Variants in OIT3 observed in about 807,000 individuals in gnomAD.
OIT3 encodes oncoprotein induced transcript 3, also known as oncoprotein-induced transcript 3 protein.
Under a neutral mutation model 52.2 loss-of-function variants are expected in OIT3, and 41 were observed. The ratio of observed to expected loss-of-function variants is 0.79; its 90% CI spans 0.61 to 1.02. OIT3 has a LOEUF of 1.02. Among genes scored for constraint, OIT3 ranks in the 50% least tolerant of loss-of-function variants. OIT3 has a pLI of 0.00. For missense variants in OIT3, 634 were observed against 715.5 expected (o/e 0.89, Z 1.30); for synonymous variants, 244 against 276.9 (o/e 0.88, Z 1.18).
At chr10:72,927,774 A>C (rs992076804) in intron 7 of OIT3, among the ~76,000 whole-genome samples, 4 of 152,124 alleles carry the variant, frequency 2.6e-5, no homozygotes, top group Non-Finnish European at 4.4e-5. Flanking sequence ...GACTTTGCGC[A>C]TGCTGTTTCC....
intron 1 of OIT3, among the ~76,000 whole-genome samples, chr10:72,896,345 A>G (rs1200948556): frequency 6.6e-6 from 1 of 152,206 alleles, no homozygotes; most frequent in Non-Finnish European, 1.5e-5. Flanking sequence ...TTGTAAGAAA[A>G]AGTCACAGCT....
intron 1 of OIT3, among the ~76,000 whole-genome samples, chr10:72,897,291 T>G (rs1343819789): frequency 1.3e-5 from 2 of 152,204 alleles, no homozygotes; most frequent in African/African-American, 2.4e-5. Context: ...CCCAAAGTGC[T>G]GGGATTACAG....
At position 72,930,555 on chromosome 10, in the gene OIT3, C is replaced by T. The variant is rs781041496; in HGVS notation, c.1385C>T (p.Ser462Leu). ...ACTTTCAGCTGTGTTTCAGATGACT[C>T]GGTAAAGCAGTACACATCCCGGGAT... ...LIRDGCVSDD[S>L]VKQYTSRDHL... The change falls in exon 8 of 9, where the codon TCG becomes TTG. Residue 462 changes from serine (S) to leucine (L), a missense_variant. Physicochemically the swap from Ser to Leu is moderately radical, Grantham distance 145. Transcript: ENST00000334011. The T allele has an allele frequency of 3.2e-5, 51 of 1,612,914 alleles. No homozygotes were observed. In the Middle Eastern group the frequency reaches 1.2e-3, roughly 37 times the overall value.
At chr10:72,911,509 T>C (rs1846027689) in intron 4 of OIT3, among the ~76,000 whole-genome samples, 1 of 152,108 alleles carries the variant, frequency 6.6e-6, no homozygotes, top group African/African-American at 2.4e-5. Context: ...ACCAGCTTAA[T>C]TGGGTAGAGT....
chr10:72,897,608 A>G (rs1273536807), intron 1 of OIT3, among the ~76,000 whole-genome samples: 8 of 152,184 alleles, frequency 5.3e-5, no homozygotes, highest in Admixed American at 4.6e-4. Flanking sequence ...TTTTCTTTTC[A>G]GTGGAATGAG....
intron 6 of OIT3, among the ~76,000 whole-genome samples, chr10:72,916,303 T>G (rs1846072301): frequency 6.6e-6 from 1 of 152,128 alleles, no homozygotes; most frequent in African/African-American, 2.4e-5. Flanking sequence ...TTAGCTATAT[T>G]TCCTGCTTCT....
At chr10:72,904,291 C>T (rs1026375311) in intron 3 of OIT3, among the ~76,000 whole-genome samples, 7 of 152,150 alleles carry the variant, frequency 4.6e-5, no homozygotes, top group Admixed American at 3.3e-4. Flanking sequence ...CTTGCCGGAG[C>T]TCCCGGCCGA....
chr10:72,923,719 G>A (rs1284947709), intron 6 of OIT3, among the ~76,000 whole-genome samples: 1 of 152,206 alleles, frequency 6.6e-6, no homozygotes, highest in Non-Finnish European at 1.5e-5. Context: ...GGAGAAACAG[G>A]ATCGAGGACC....
chr10:72,925,249 A>T (rs1846160590), intron 7 of OIT3, among the ~76,000 whole-genome samples: 1 of 152,200 alleles, frequency 6.6e-6, no homozygotes, highest in Non-Finnish European at 1.5e-5. Flanking sequence ...ATTCAAAATG[A>T]CATATTGAAT....
chr10:72,929,994 T>C (rs1239739406), intron 7 of OIT3, among the ~76,000 whole-genome samples: 1 of 152,250 alleles, frequency 6.6e-6, no homozygotes, highest in Non-Finnish European at 1.5e-5. Context: ...TGGAGGTGCA[T>C]GACTTTTACC....
chr10:72,899,311 A>G (rs1005515406), intron 2 of OIT3, among the ~76,000 whole-genome samples: 2 of 152,194 alleles, frequency 1.3e-5, no homozygotes, highest in Non-Finnish European at 2.9e-5. Flanking sequence ...AAAATGAAAC[A>G]TTGGGCCAGG....
At position 72,899,032 on chromosome 10, in the gene OIT3, T is replaced by A; in HGVS notation, c.430T>A (p.Cys144Ser). The A allele has an allele frequency of 6.2e-7, 1 of 1,604,444 alleles. No homozygotes were observed. The highest frequency in any genetic ancestry group is 1.1e-5 in the South Asian group (1 of 90,148). Residue 144 changes from cysteine (C) to serine (S), a missense_variant, in exon 2 of 9, where the codon TGT becomes AGT. By Grantham distance (112) the Cys-to-Ser change is moderately radical. Transcript: ENST00000334011. ...GCCCAGCGTCTGCTTCCACGTCTAC[T>A]GTGGTCGTGAGTACCTTCCCTGTGC... is the stretch of plus-strand genomic sequence containing the variant. ...TKPSVCFHVY[C>S]GHFYDICDED...
chr10:72,896,674 G>A (rs548768305), intron 1 of OIT3, among the ~76,000 whole-genome samples: 71 of 152,276 alleles, frequency 4.7e-4, no homozygotes, highest in Admixed American at 8.5e-4. Flanking sequence ...AAAATCTAAA[G>A]TATTTTCTAG....
chr10:72,904,808 G>A (rs908921005), intron 3 of OIT3, among the ~76,000 whole-genome samples: 4 of 152,090 alleles, frequency 2.6e-5, no homozygotes, highest in African/African-American at 4.8e-5. Context: ...GACACCACTC[G>A]TGTCATCTGG....
intron 4 of OIT3, among the ~76,000 whole-genome samples, chr10:72,908,427 G>A (rs1265049121): frequency 6.6e-6 from 1 of 152,024 alleles, no homozygotes; most frequent in Non-Finnish European, 1.5e-5. Flanking sequence ...CTTTATTCTA[G>A]CAATATTCAA....
rs866272779 is a variant in OIT3 at position 72,910,018 on chromosome 10, T to C, written c.668-1699T>C. Among the ~76,000 whole-genome samples the C allele has an allele frequency of 4.6e-5, 7 of 152,306 alleles. No individual in the cohort carries two copies. The South Asian group carries it at 1.2e-3, about 27-fold the overall frequency. ...AGAAAATAATTTAAATGACCCACAATCCATTTGCCAGATATATCCATTCTA... is the reference window on the plus strand; with the variant it reads ...AGAAAATAATTTAAATGACCCACAACCCATTTGCCAGATATATCCATTCTA... On this transcript the variant is annotated intron_variant, in intron 4 of 8. Transcript: ENST00000334011.
rs541391358 is a variant in OIT3 at position 72,897,153 on chromosome 10, A to G, written c.62-1511A>G. Among the ~76,000 whole-genome samples the G allele has an allele frequency of 1.1e-4, 17 of 152,196 alleles. No homozygotes were observed. The East Asian group carries it at 1.9e-3, about 17-fold the overall frequency. ...ATTCTCCTGCCTCAGCCTCCCAAGT[A>G]GCTGGGATTACAGGCACGTGCCACC... On this transcript the variant is annotated intron_variant, in intron 1 of 8. Coordinates refer to ENST00000334011, the MANE Select transcript of OIT3 (RefSeq NM_152635.3).
intron 1 of OIT3, among the ~76,000 whole-genome samples, chr10:72,898,034 A>G (rs762567993): frequency 1.3e-5 from 2 of 151,858 alleles, no homozygotes; most frequent in Admixed American, 1.3e-4. Flanking sequence ...TGTAATCCCA[A>G]CAGTTTGGGA....
chr10:72,928,614 G>A, intron 7 of OIT3, among the ~76,000 whole-genome samples: 1 of 152,074 alleles, frequency 6.6e-6, no homozygotes, highest in East Asian at 1.9e-4. Context: ...TGACGTCAGA[G>A]ACCATATTAT....
Sources: gnomAD v4.1 joint callset for allele counts (sites outside exome capture counted in the v4.1 genomes callset) on GRCh38, gnomAD v4.1.1 for gene constraint, MANE v1.5 for transcripts, NCBI Gene and HGNC (gene_info 2026-07-23, HGNC 2026-07-21) for gene names.